TMEM74: variants seen among roughly 807,000 people sequenced by gnomAD.
TMEM74 encodes the protein transmembrane protein 74.
In TMEM74, 13 loss-of-function variants were observed where a neutral mutation model predicts 18.1. That is an observed-to-expected ratio of 0.72 (90% CI 0.47 to 1.14). The LOEUF (loss-of-function observed/expected upper bound fraction) is 1.14. Ranked by LOEUF, TMEM74 falls within the 50% of genes most tolerant of loss-of-function variation. TMEM74 has a pLI of 0.00. For synonymous variants in TMEM74, 159 were observed against 146.6 expected (o/e 1.08, Z -0.61); for missense variants, 372 against 375.9 (o/e 0.99, Z 0.09).
At chr8:108,618,575 C>T (rs899174083) in intron 2 of TMEM74, among the ~76,000 whole-genome samples, 9 of 152,078 alleles carry the variant, frequency 5.9e-5, no homozygotes, top group Non-Finnish European at 1.3e-4. Flanking sequence ...GGAGTACTTC[C>T]GTAAAGGTTT....
In TMEM74 at chr8:108,779,742, A is replaced by G. The variant is rs1019883364; in HGVS notation, c.*4439T>C. On this transcript the variant is annotated 3_prime_UTR_variant, in exon 2 of 2. Coordinates refer to ENST00000297459, the MANE Select transcript of TMEM74 (RefSeq NM_153015.3). ...GATATTAAAGCTGTATAACTATAAA[A>G]TATAGTCCAAATGCACATAGACTTG... 6.6e-6 allele frequency among the ~76,000 whole-genome samples: 1 copy of G among 152,228 alleles called. No homozygotes were observed. Among genetic ancestry groups the G allele is most frequent in the African/African-American group, 2.4e-5 (1 of 41,466 alleles).
chr8:108,734,341 A>G (rs2130641508), intron 1 of TMEM74, among the ~76,000 whole-genome samples: 1 of 152,206 alleles, frequency 6.6e-6, no homozygotes, highest in South Asian at 2.1e-4. Flanking sequence ...TTCACCTTGC[A>G]GAAGACCTAT....
At chr8:108,787,400 C>G (rs558568438) in intron 1 of TMEM74, 76 bp downstream of exon 1, 1 of 152,438 alleles carries the variant, frequency 6.6e-6, no homozygotes, top group East Asian at 1.9e-4. Context: ...GGGATATGCG[C>G]TCCAGCTCTG....
intron 2 of TMEM74, among the ~76,000 whole-genome samples, chr8:108,632,827 A>G (rs566758508): frequency 6.0e-4 from 91 of 152,118 alleles, no homozygotes; most frequent in African/African-American, 2.1e-3. Context: ...CTTATTGACA[A>G]AATGAGAGTT....
intron 2 of TMEM74, among the ~76,000 whole-genome samples, chr8:108,618,250 G>A (rs947470750): frequency 2.0e-5 from 3 of 152,256 alleles, no homozygotes; most frequent in East Asian, 1.9e-4. Context: ...TTCTAGTGCT[G>A]AAATATTTTG....
intron 2 of TMEM74, among the ~76,000 whole-genome samples, chr8:108,651,601 T>C (rs913381564): frequency 2.0e-5 from 3 of 151,946 alleles, no homozygotes; most frequent in Admixed American, 6.6e-5. Context: ...AGATGAAGGA[T>C]GAGGCAGAGG....
intron 1 of TMEM74, among the ~76,000 whole-genome samples, chr8:108,753,923 A>G (rs1320912747): frequency 6.6e-6 from 1 of 152,038 alleles, no homozygotes; most frequent in Non-Finnish European, 1.5e-5. Context: ...ATTACTTTAT[A>G]GTGGATCTCA....
intron 1 of TMEM74, among the ~76,000 whole-genome samples, chr8:108,663,749 T>G (rs1298485662): frequency 6.6e-6 from 1 of 152,104 alleles, no homozygotes; most frequent in African/African-American, 2.4e-5. Flanking sequence ...TAAAATGTGG[T>G]ACATATACAA....
intron 1 of TMEM74, among the ~76,000 whole-genome samples, chr8:108,723,115 A>G (rs116874622): frequency 0.027 from 4,106 of 152,200 alleles, 74 homozygotes; most frequent in Non-Finnish European, 0.042. Flanking sequence ...CCTTAGAGGG[A>G]GCTCCATGTG....
At chr8:108,611,652 C>T (rs1338875301) in intron 2 of TMEM74, among the ~76,000 whole-genome samples, 1 of 152,168 alleles carries the variant, frequency 6.6e-6, no homozygotes, top group African/African-American at 2.4e-5. Flanking sequence ...ATTTTTAATT[C>T]TTCCTCAGCA....
chr8:108,619,272 T>C (rs1812415379), intron 2 of TMEM74, among the ~76,000 whole-genome samples: 1 of 152,130 alleles, frequency 6.6e-6, no homozygotes, highest in African/African-American at 2.4e-5. Context: ...ACTAGGAGTT[T>C]TGAGTAATAA....
At chr8:108,695,188 G>A (rs1337821433) in intron 1 of TMEM74, among the ~76,000 whole-genome samples, 5 of 152,204 alleles carry the variant, frequency 3.3e-5, no homozygotes, top group Non-Finnish European at 7.3e-5. Context: ...AGTACCAGAA[G>A]TAGATAGCTG....
chr8:108,697,526 C>T (rs890750275), intron 1 of TMEM74, among the ~76,000 whole-genome samples: 5 of 152,224 alleles, frequency 3.3e-5, no homozygotes, highest in African/African-American at 1.2e-4. Context: ...AAGCAACCCT[C>T]CCCTCCTCAG....
At chr8:108,628,211 G>A (rs1395010715) in intron 2 of TMEM74, among the ~76,000 whole-genome samples, 4 of 152,000 alleles carry the variant, frequency 2.6e-5, no homozygotes, top group African/African-American at 9.7e-5. Flanking sequence ...GACCTAAGTT[G>A]CAATAATCTG....
intron 1 of TMEM74, among the ~76,000 whole-genome samples, chr8:108,771,154 A>G (rs1814166871): frequency 6.6e-6 from 1 of 152,126 alleles, no homozygotes; most frequent in Admixed American, 6.5e-5. Context: ...TCCTCATTTC[A>G]AAGTTTTTCA....
intron 1 of TMEM74, among the ~76,000 whole-genome samples, chr8:108,756,308 C>A (rs953572765): frequency 6.6e-6 from 1 of 151,824 alleles, no homozygotes; most frequent in African/African-American, 2.4e-5. Context: ...TGGACGCCAA[C>A]CTGTCTTCTT....
intron 2 of TMEM74, among the ~76,000 whole-genome samples, chr8:108,616,196 G>A (rs1275245656): frequency 1.3e-5 from 2 of 152,156 alleles, no homozygotes; most frequent in Admixed American, 6.5e-5. Flanking sequence ...TGGCAGTACT[G>A]CCAGCAGCTG....
At chr8:108,625,891 C>A (rs956500213) in intron 2 of TMEM74, among the ~76,000 whole-genome samples, 4 of 151,888 alleles carry the variant, frequency 2.6e-5, no homozygotes, top group Admixed American at 2.0e-4. Context: ...AATACAGGAA[C>A]AGTATGTAAG....
chr8:108,609,613 A>G (rs1404870898), intron 2 of TMEM74, among the ~76,000 whole-genome samples: 5 of 152,140 alleles, frequency 3.3e-5, no homozygotes, highest in African/African-American at 1.2e-4. Flanking sequence ...ATGCCACTGC[A>G]CTCCAGCCTG....
Sources: allele counts gnomAD v4.1 joint callset (sites outside exome capture counted in the v4.1 genomes callset), GRCh38; gene constraint gnomAD v4.1.1; transcripts MANE v1.5; gene names NCBI Gene and HGNC (gene_info 2026-07-23, HGNC 2026-07-21).